TDP1: variants seen among roughly 807,000 people sequenced by gnomAD.
TDP1 encodes tyrosyl-DNA phosphodiesterase 1.
Under a neutral mutation model 81.5 loss-of-function variants are expected in TDP1, and 64 were observed. The ratio of observed to expected loss-of-function variants is 0.79; its 90% CI spans 0.64 to 0.97. The LOEUF is 0.97. Among genes scored for constraint, TDP1 ranks in the 50% least tolerant of loss-of-function variants. The pLI is 0.00. For missense variants in TDP1, 723 were observed against 743.8 expected (o/e 0.97, Z 0.33); for synonymous variants, 256 against 264.3 (o/e 0.97, Z 0.30).
intron 16 of TDP1, among the ~76,000 whole-genome samples, chr14:90,040,734 G>A (rs1888277737): frequency 6.6e-6 from 1 of 152,258 alleles, no homozygotes; most frequent in Non-Finnish European, 1.5e-5. Flanking sequence ...CTCTCAACCA[G>A]TGAGTATTAA....
rs983366528 is a variant in TDP1 at position 89,975,787 on chromosome 14, T to C, written c.763T>C (p.Leu255=). 7 of 1,612,816 alleles carry C rather than the reference T, an allele frequency of 4.3e-6. No individual in the cohort carries two copies. The highest frequency in any genetic ancestry group is 3.4e-6 in the Non-Finnish European group (4 of 1,178,836). ...GACTTCTTTTTCATCCTAGGCAAAG[T>C]TGGATATTGCGTTTGGAACACACCA... ...YENISLCQAK[L]DIAFGTHHTK... Residue 255 remains leucine (L), a synonymous_variant, in exon 7 of 17, where the codon TTG becomes CTG. Transcript: ENST00000335725.
chr14:90,017,205 C>A (rs188091617), intron 14 of TDP1, among the ~76,000 whole-genome samples: 2 of 151,742 alleles, frequency 1.3e-5, no homozygotes, highest in African/African-American at 4.8e-5. Context: ...ACATGACGGG[C>A]GTGTGTGTGC....
At chr14:90,029,601 C>T (rs1432732621) in intron 15 of TDP1, among the ~76,000 whole-genome samples, 3 of 150,438 alleles carry the variant, frequency 2.0e-5, no homozygotes, top group Non-Finnish European at 4.4e-5. Flanking sequence ...TGGATTCCAG[C>T]GATTCTCCTG....
intron 5 of TDP1, among the ~76,000 whole-genome samples, chr14:89,970,175 C>T (rs897132647): frequency 1.3e-5 from 2 of 152,066 alleles, no homozygotes; most frequent in Non-Finnish European, 2.9e-5. Context: ...CGCGCCTGGC[C>T]GAAATATACT....
intron 8 of TDP1, among the ~76,000 whole-genome samples, chr14:89,983,565 G>A (rs978813554): frequency 3.3e-5 from 5 of 152,196 alleles, no homozygotes; most frequent in African/African-American, 1.2e-4. Context: ...GTGGGGAAAA[G>A]GAGAGTAGCC....
At chr14:90,029,847 A>G (rs1272370398) in intron 15 of TDP1, among the ~76,000 whole-genome samples, 1 of 152,126 alleles carries the variant, frequency 6.6e-6, no homozygotes, top group Non-Finnish European at 1.5e-5. Context: ...TTAACCTCCA[A>G]ATATGTTTCC....
rs1596576247 is a variant in TDP1, at chr14:89,992,106, A to C, written c.1433+123A>C. On this transcript the variant is annotated intron_variant, in intron 13 of 16. Coordinates refer to ENST00000335725, the MANE Select transcript of TDP1 (RefSeq NM_018319.4). ...AATATAGCTATATTCTTTCATCTAC[A>C]TATGTTAGTGATAGAAATAATTTAA... 3.8e-6 allele frequency: 3 copies of C among 783,620 alleles called. No homozygotes were observed. The South Asian group carries it at 5.5e-5, about 14-fold the overall frequency. The allele number at this position is 783,620 out of a possible 1,614,324, so 48.5% of individuals were successfully genotyped here.
At chr14:90,000,302 ACT>A (rs1897077913) in intron 14 of TDP1, among the ~76,000 whole-genome samples, 2 of 152,022 alleles carry the variant, frequency 1.3e-5, no homozygotes, top group South Asian at 2.1e-4. Context: ...TGCAAGTGAA[ACT>A]CTATCATATT....
At chr14:90,037,252 G>C (rs1047893278) in intron 16 of TDP1, among the ~76,000 whole-genome samples, 14 of 152,134 alleles carry the variant, frequency 9.2e-5, no homozygotes, top group African/African-American at 3.4e-4. Context: ...TTTCTTCCAA[G>C]GGCATCTGTT....
At chr14:90,006,848 C>CTAATTTTTGTA (rs1884089251) in intron 14 of TDP1, among the ~76,000 whole-genome samples, 1 of 152,014 alleles carries the variant, frequency 6.6e-6, no homozygotes, top group Non-Finnish European at 1.5e-5. Flanking sequence ...CCATGCCTGG[C>CTAATTTTTGTA]TAATTTTTGT....
At chr14:90,033,004 T>G (rs1887455666) in intron 15 of TDP1, 102 bp from the exon 16 acceptor site, 3 of 1,168,558 alleles carry the variant, frequency 2.6e-6, no homozygotes, top group Middle Eastern at 2.3e-4. Context: ...TGAATTTTAT[T>G]TAGGTACCAT....
chr14:89,975,937 C>T, intron 7 of TDP1, 122 bp downstream of exon 7: 1 of 810,666 alleles, frequency 1.2e-6, no homozygotes, highest in Non-Finnish European at 2.2e-6. Flanking sequence ...CGATGCTTAA[C>T]TGAGCCTGGG....
chr14:90,019,135 G>A (rs1596658353), intron 14 of TDP1, 181 bp from the exon 15 acceptor site: 1 of 957,482 alleles, frequency 1.0e-6, no homozygotes, highest in South Asian at 4.8e-5. Context: ...GATAAATCTC[G>A]AGGATTAGAG....
intron 14 of TDP1, among the ~76,000 whole-genome samples, chr14:90,001,810 C>T (rs60201948): frequency 0.045 from 6,831 of 152,038 alleles, 512 homozygotes; most frequent in African/African-American, 0.15. Flanking sequence ...TTCATGGCGC[C>T]TTTTGCTTGG....
chr14:89,958,212 A>G (rs1407747548), intron 2 of TDP1: 1 of 152,406 alleles, frequency 6.6e-6, no homozygotes, highest in Non-Finnish European at 1.5e-5. Context: ...TAGTCCCACC[A>G]TCTGCAGCCC....
chr14:89,989,590 A>T, intron 11 of TDP1, 127 bp from the exon 12 acceptor site: 1 of 1,121,802 alleles, frequency 8.9e-7, no homozygotes, highest in Non-Finnish European at 1.3e-6. Context: ...GAACTTTTAA[A>T]AATTTAAAGC....
Position 89,998,404 on chromosome 14 carries a change from A to T in TDP1, c.1541+4921A>T, listed in dbSNP as rs890601056. Among the ~76,000 whole-genome samples, 19 of 115,560 alleles carry T rather than the reference A, an allele frequency of 1.6e-4. 3 individuals are homozygous for T. Among genetic ancestry groups the T allele is most frequent in the African/African-American group, 8.9e-4 (18 of 20,216 alleles). The allele number at this position is 115,560 out of a possible 152,430, so 75.8% of individuals were successfully genotyped here. On this transcript the variant is annotated intron_variant, in intron 14 of 16. Transcript: ENST00000335725. Reference sequence around the variant, plus strand: ...TATATATATATATATATATATATATATATATATATATATATATATGTATGT... The same window carrying T: ...TATATATATATATATATATATATATTTATATATATATATATATATGTATGT...
At chr14:90,035,120 TC>T (rs1887693039) in intron 16 of TDP1, among the ~76,000 whole-genome samples, 4 of 152,186 alleles carry the variant, frequency 2.6e-5, no homozygotes, top group Admixed American at 6.5e-5. Flanking sequence ...GCCTCCTCTG[TC>T]CCACTAACCT....
intron 6 of TDP1, among the ~76,000 whole-genome samples, chr14:89,972,348 A>G (rs751085451): frequency 2.0e-5 from 3 of 152,180 alleles, no homozygotes; most frequent in Non-Finnish European, 4.4e-5. Context: ...AGAACTCTCT[A>G]TCACGAGAAC....
Sources: gnomAD v4.1 joint callset for allele counts (sites outside exome capture counted in the v4.1 genomes callset) on GRCh38, gnomAD v4.1.1 for gene constraint, MANE v1.5 for transcripts, NCBI Gene and HGNC (gene_info 2026-07-23, HGNC 2026-07-21) for gene names.